NRG3: variants seen among roughly 807,000 people sequenced by gnomAD.
The protein encoded by NRG3 is neuregulin 3, also known as pro-neuregulin-3, membrane-bound isoform.
A neutral mutation model predicts 66.9 loss-of-function variants in NRG3; 31 were observed. The ratio of observed to expected loss-of-function variants is 0.46; its 90% CI spans 0.35 to 0.63. NRG3 has a LOEUF of 0.63. Ranked by LOEUF, NRG3 falls within the 20% of genes least tolerant of loss-of-function variation. NRG3 has a pLI of 0.00. For synonymous variants in NRG3, 393 were observed against 359.4 expected, an observed-to-expected ratio of 1.09 and a Z score of -1.06; for missense variants, 910 against 878.9, an observed-to-expected ratio of 1.04 and a Z score of -0.45.
chr10:81,964,652 G>T (rs2059662648), intron 1 of NRG3, among the ~76,000 whole-genome samples: 1 of 152,124 alleles, frequency 6.6e-6, no homozygotes, highest in African/African-American at 2.4e-5. Flanking sequence ...CAGTGTGCAT[G>T]CCCTTATCAA....
At position 82,760,217 on chromosome 10, in the gene NRG3, C is replaced by T. The variant is rs893195297; in HGVS notation, c.1027+21567C>T. 3.3e-5 allele frequency among the ~76,000 whole-genome samples: 5 copies of T among 151,882 alleles called. No individual in the cohort carries two copies. The East Asian group carries it at 9.6e-4, about 29-fold the overall frequency. On this transcript the variant is annotated intron_variant, in intron 3 of 8. Coordinates refer to ENST00000372141, the MANE Select transcript of NRG3 (RefSeq NM_001010848.4). ...CCACAACCCCAGAAAAACACAGGGCCCCAGTAGAGACAAACAGAAGAACTT... is the reference window on the plus strand; with the variant it reads ...CCACAACCCCAGAAAAACACAGGGCTCCAGTAGAGACAAACAGAAGAACTT...
intron 4 of NRG3, among the ~76,000 whole-genome samples, chr10:82,924,286 T>G (rs945889237): frequency 6.6e-6 from 1 of 152,060 alleles, no homozygotes; most frequent in African/African-American, 2.4e-5. Flanking sequence ...AACCGAACTA[T>G]TACTATGCGG....
intron 2 of NRG3, among the ~76,000 whole-genome samples, chr10:82,448,802 A>C (rs61864217): frequency 0.015 from 2,268 of 152,284 alleles, 37 homozygotes; most frequent in Non-Finnish European, 0.022. Context: ...TCATGCATAC[A>C]TAATTGTCTA....
chr10:82,770,871 G>A (rs2059689528), intron 3 of NRG3, among the ~76,000 whole-genome samples: 1 of 152,014 alleles, frequency 6.6e-6, no homozygotes, highest in South Asian at 2.1e-4. Context: ...AATGGAATTC[G>A]GGTCTCCCCT....
At chr10:82,893,578 C>A (rs1167761077) in intron 4 of NRG3, among the ~76,000 whole-genome samples, 1 of 152,092 alleles carries the variant, frequency 6.6e-6, no homozygotes, top group Admixed American at 6.5e-5. Flanking sequence ...ATCCCAGTTA[C>A]TCTCGAGGCT....
chr10:82,569,998 T>C (rs144863773), intron 2 of NRG3, among the ~76,000 whole-genome samples: 154 of 151,792 alleles, frequency 1.0e-3, no homozygotes, highest in South Asian at 4.6e-3. Context: ...TGTTAAAATC[T>C]AGGTTTTCTC....
At chr10:82,050,957 G>A (rs1320322668) in intron 1 of NRG3, among the ~76,000 whole-genome samples, 2 of 151,992 alleles carry the variant, frequency 1.3e-5, no homozygotes, top group Non-Finnish European at 2.9e-5. Flanking sequence ...AACTTTAGAG[G>A]GAATTTATAT....
intron 3 of NRG3, among the ~76,000 whole-genome samples, chr10:82,848,597 G>A (rs972311502): frequency 1.3e-5 from 2 of 152,122 alleles, no homozygotes; most frequent in Non-Finnish European, 2.9e-5. Context: ...CTGTCAGAAG[G>A]GCATGATTGT....
At chr10:82,356,269 A>C (rs1486801091) in intron 1 of NRG3, among the ~76,000 whole-genome samples, 1 of 152,212 alleles carries the variant, frequency 6.6e-6, no homozygotes, top group African/African-American at 2.4e-5. Flanking sequence ...TGATTATAAA[A>C]TAAGGATCTC....
intron 2 of NRG3, among the ~76,000 whole-genome samples, chr10:82,595,378 C>T (rs1160588832): frequency 6.6e-6 from 1 of 152,144 alleles, no homozygotes; most frequent in African/African-American, 2.4e-5. Context: ...TGATCAGAAC[C>T]TGACTTCAAT....
intron 4 of NRG3, among the ~76,000 whole-genome samples, chr10:82,931,135 G>A (rs1283783863): frequency 1.3e-5 from 2 of 152,150 alleles, no homozygotes; most frequent in East Asian, 3.9e-4. Context: ...CCCTCTTGCA[G>A]TACCAATACT....
intron 4 of NRG3, among the ~76,000 whole-genome samples, chr10:82,927,437 G>T (rs1847114214): frequency 2.6e-5 from 4 of 152,072 alleles, no homozygotes; most frequent in African/African-American, 9.7e-5. Context: ...GGGCTATGGT[G>T]GTTTGCTGCA....
intron 2 of NRG3, among the ~76,000 whole-genome samples, chr10:82,558,887 A>G (rs1421669674): frequency 6.6e-6 from 1 of 152,050 alleles, no homozygotes; most frequent in Non-Finnish European, 1.5e-5. Flanking sequence ...GTTATTTTCT[A>G]CAAAGGAAAG....
intron 2 of NRG3, among the ~76,000 whole-genome samples, chr10:82,462,440 T>G (rs953669524): frequency 6.6e-6 from 1 of 152,158 alleles, no homozygotes; most frequent in African/African-American, 2.4e-5. Context: ...TTAAAAATTC[T>G]GCAATAGATG....
chr10:82,109,401 C>T (rs942013811), intron 1 of NRG3, among the ~76,000 whole-genome samples: 1 of 152,154 alleles, frequency 6.6e-6, no homozygotes, highest in Non-Finnish European at 1.5e-5. Flanking sequence ...GAAAATACTG[C>T]TAAGCGCTCT....
chr10:82,839,124 A>G (rs2062927496), intron 3 of NRG3, among the ~76,000 whole-genome samples: 1 of 152,228 alleles, frequency 6.6e-6, no homozygotes, highest in African/African-American at 2.4e-5. Flanking sequence ...GTGGGGACAC[A>G]GCCAAACTAT....
chr10:82,629,377 G>T (rs2049652593), intron 2 of NRG3, among the ~76,000 whole-genome samples: 1 of 152,178 alleles, frequency 6.6e-6, no homozygotes, highest in South Asian at 2.1e-4. Flanking sequence ...AGTAATGTAT[G>T]CATTTTAGTA....
intron 3 of NRG3, among the ~76,000 whole-genome samples, chr10:82,831,120 A>G (rs2062498638): frequency 1.3e-5 from 2 of 152,064 alleles, no homozygotes; most frequent in Non-Finnish European, 2.9e-5. Context: ...TTGCTCTAAG[A>G]CTTGAGCTTA....
chr10:82,759,196 T>C (rs200421625), intron 3 of NRG3, among the ~76,000 whole-genome samples: 2 of 138,034 alleles, frequency 1.4e-5, no homozygotes, highest in Admixed American at 7.4e-5. Flanking sequence ...CTCTCTCTCT[T>C]ACTTCCTCTC....
Sources: gnomAD v4.1 joint callset for allele counts (sites outside exome capture counted in the v4.1 genomes callset) on GRCh38, gnomAD v4.1.1 for gene constraint, MANE v1.5 for transcripts, NCBI Gene and HGNC (gene_info 2026-07-23, HGNC 2026-07-21) for gene names.